LMBRD1: variants seen among roughly 807,000 people sequenced by gnomAD.
The protein encoded by LMBRD1 is lysosomal cobalamin transport escort protein LMBD1.
LMBRD1 carries 64 observed loss-of-function variants against 74.8 expected under a neutral mutation model. The ratio of observed to expected loss-of-function variants is 0.86; its 90% confidence interval spans 0.70 to 1.05. The LOEUF is 1.05. Ranked by LOEUF, LMBRD1 falls within the 50% of genes least tolerant of loss-of-function variation. LMBRD1 has a pLI of 0.00. For missense variants in LMBRD1, 652 were observed against 645.9 expected (o/e 1.01, Z -0.10); for synonymous variants, 204 against 216.3 (o/e 0.94, Z 0.50).
At chr6:69,758,036 T>C (rs1765303172) in intron 3 of LMBRD1, among the ~76,000 whole-genome samples, 1 of 152,174 alleles carries the variant, frequency 6.6e-6, no homozygotes, top group African/African-American at 2.4e-5. Context: ...TTAAAGGTCA[T>C]GGACAAAAAC....
At chr6:69,701,867 A>C in intron 10 of LMBRD1, 22 bp downstream of exon 10, 2 of 1,476,310 alleles carry the variant, frequency 1.4e-6, no homozygotes, top group Non-Finnish European at 1.9e-6. Flanking sequence ...AGTGCTTTAG[A>C]AAATGTGTCT....
At chr6:69,793,892 T>C (rs1419434282) in intron 1 of LMBRD1, among the ~76,000 whole-genome samples, 1 of 151,958 alleles carries the variant, frequency 6.6e-6, no homozygotes, top group African/African-American at 2.4e-5. Context: ...GCTAATTTTT[T>C]GTATTTTTAG....
At chr6:69,718,597 A>T (rs1335970029) in intron 8 of LMBRD1, among the ~76,000 whole-genome samples, 1 of 152,190 alleles carries the variant, frequency 6.6e-6, no homozygotes, top group Non-Finnish European at 1.5e-5. Context: ...CAGAAGGGTA[A>T]GCAAACACGT....
intron 14 of LMBRD1, among the ~76,000 whole-genome samples, chr6:69,685,513 ACTTTGGGTCAGGCGTGGTGG>A (rs1765744439): frequency 6.6e-6 from 1 of 152,100 alleles, no homozygotes; most frequent in Non-Finnish European, 1.5e-5. Context: ...TAAATCAAAA[ACTTTGGGTCAGGCGTGGTGG>A]CTCATGCCTG....
intron 14 of LMBRD1, among the ~76,000 whole-genome samples, chr6:69,684,253 T>A (rs1386887493): frequency 6.6e-6 from 1 of 152,028 alleles, no homozygotes; most frequent in Non-Finnish European, 1.5e-5. Context: ...AAATTCATAA[T>A]ATGGTTGACA....
chr6:69,728,311 C>T (rs1023599121), intron 7 of LMBRD1, among the ~76,000 whole-genome samples: 3 of 152,100 alleles, frequency 2.0e-5, no homozygotes, highest in African/African-American at 4.8e-5. Context: ...CAGGCCACAC[C>T]GCCGACACTC....
rs551964589 is a variant in LMBRD1, at chr6:69,793,762, T to C, written c.69+3051A>G. 3.3e-5 allele frequency among the ~76,000 whole-genome samples: 5 copies of C among 150,562 alleles called. No homozygotes were observed. In the East Asian group the frequency reaches 7.8e-4, roughly 23 times the overall value. On this transcript the variant is annotated intron_variant, in intron 1 of 15. Transcript: ENST00000649934. ...TTTTTGAGACGAAGTTTCCCTCTGT[T>C]GCCCAGGCACTATCAGAGCTTGCTG... is the stretch of plus-strand genomic sequence containing the variant.
At chr6:69,781,001 T>C (rs561761134) in intron 2 of LMBRD1, among the ~76,000 whole-genome samples, 2 of 152,290 alleles carry the variant, frequency 1.3e-5, no homozygotes, top group Non-Finnish European at 2.9e-5. Context: ...AGGACACATA[T>C]GTCAGGGGCT....
In LMBRD1 at chr6:69,763,285, G is replaced by A. The variant is rs147564313; in HGVS notation, c.308-10929C>T. 1.1e-3 allele frequency among the ~76,000 whole-genome samples: 170 copies of A among 151,910 alleles called. 1 individual carries two copies. The highest frequency in any genetic ancestry group is 1.9e-3 in the Non-Finnish European group (131 of 67,970). On this transcript the variant is annotated intron_variant, in intron 3 of 15. Coordinates refer to ENST00000649934, the MANE Select transcript of LMBRD1 (RefSeq NM_018368.4). ...AAAATGAGCCAGAACTTGAAGATCT[G>A]GAAAATTCTCAGCCTATCCACATTG...
At chr6:69,760,214 A>C (rs994379747) in intron 3 of LMBRD1, among the ~76,000 whole-genome samples, 2 of 152,210 alleles carry the variant, frequency 1.3e-5, no homozygotes, top group African/African-American at 4.8e-5. Context: ...TAACATCAAA[A>C]AACTAAATGT....
At chr6:69,757,853 A>C (rs1300424052) in intron 3 of LMBRD1, among the ~76,000 whole-genome samples, 2 of 152,206 alleles carry the variant, frequency 1.3e-5, no homozygotes, top group South Asian at 2.1e-4. Flanking sequence ...CTAGCAAATA[A>C]AAGATAAACA....
intron 8 of LMBRD1, among the ~76,000 whole-genome samples, chr6:69,717,001 A>G (rs1181721410): frequency 6.6e-6 from 1 of 151,898 alleles, no homozygotes; most frequent in Non-Finnish European, 1.5e-5. Flanking sequence ...CAGTCTATCT[A>G]ATCCCCAAAT....
intron 3 of LMBRD1, among the ~76,000 whole-genome samples, chr6:69,767,801 C>T (rs760031177): frequency 6.6e-6 from 1 of 151,894 alleles, no homozygotes. Context: ...GAGTTGGTTA[C>T]TCAAATTTGC....
chr6:69,722,476 A>C (rs900819545), intron 7 of LMBRD1, among the ~76,000 whole-genome samples: 1 of 152,026 alleles, frequency 6.6e-6, no homozygotes, highest in Admixed American at 6.6e-5. Flanking sequence ...AAAAAAAAAA[A>C]CTTTTCAAGA....
chr6:69,746,707 T>C lies in LMBRD1; in HGVS notation c.473+2634A>G, dbSNP rs75457602. ...AGGTTGTCTCCTCCAACTTTACTAG[T>C]GATACTCATTCCTTCACCTTTGATG... On this transcript the variant is annotated intron_variant, in intron 5 of 15. Transcript: ENST00000649934. The C allele has an allele frequency of 7.1e-3, 1,077 of 152,760 alleles. 23 individuals are homozygous for C. In the East Asian group the frequency reaches 0.079, roughly 11 times the overall value. 9.5% of individuals were successfully genotyped at this position (152,760 alleles called of 1,614,324 possible). A position where few individuals can be genotyped will look rare whatever the true frequency, so the allele number is the denominator to read the frequency against.
rs201250384 is a variant in LMBRD1 at position 69,732,597 on chromosome 6, TG to T, written c.636+5344del. Among the ~76,000 whole-genome samples the T allele has an allele frequency of 7.8e-4, 119 of 152,328 alleles. No individual in the cohort carries two copies. In the East Asian group the frequency reaches 0.019, roughly 24 times the overall value. On this transcript the variant is annotated intron_variant, in intron 7 of 15. Coordinates refer to ENST00000649934, the MANE Select transcript of LMBRD1 (RefSeq NM_018368.4). Reference sequence around the variant, plus strand: ...ATATTAAATGTTTTATTTCTATATTTGAATCTTTATCACTTTAATGTTCTTT... The same window carrying T: ...ATATTAAATGTTTTATTTCTATATTTAATCTTTATCACTTTAATGTTCTTT...
At chr6:69,700,918 C>G (rs1052002552) in intron 11 of LMBRD1, 49 bp from the exon 12 acceptor site, 2 of 1,115,572 alleles carry the variant, frequency 1.8e-6, no homozygotes, top group Non-Finnish European at 1.2e-6. Context: ...TATAAGCACT[C>G]TAACAGTCAT....
chr6:69,760,813 G>A (rs997622687), intron 3 of LMBRD1, among the ~76,000 whole-genome samples: 10 of 152,248 alleles, frequency 6.6e-5, no homozygotes, highest in Non-Finnish European at 1.3e-4. Context: ...GCCATGTTGT[G>A]AGCTGCCCTA....
intron 7 of LMBRD1, among the ~76,000 whole-genome samples, chr6:69,722,788 C>T (rs563849092): frequency 1.3e-5 from 2 of 152,090 alleles, no homozygotes; most frequent in South Asian, 2.1e-4. Flanking sequence ...AAGGGAGGAT[C>T]GTAAAATAAC....
Sources: gnomAD v4.1 joint callset for allele counts (sites outside exome capture counted in the v4.1 genomes callset) on GRCh38, gnomAD v4.1.1 for gene constraint, MANE v1.5 for transcripts, NCBI Gene and HGNC (gene_info 2026-07-23, HGNC 2026-07-21) for gene names.